Variants in HIKESHI observed in about 807,000 individuals in gnomAD.
HIKESHI encodes protein Hikeshi.
A neutral mutation model predicts 25.7 loss-of-function variants in HIKESHI; 13 were observed. The observed-to-expected ratio is 0.51, with a 90% CI of 0.33 to 0.80. The LOEUF is 0.80. Ranked by LOEUF, HIKESHI falls within the 30% of genes least tolerant of loss-of-function variation. The pLI, the probability that HIKESHI is intolerant of heterozygous loss-of-function variation, is 0.02. For missense variants in HIKESHI, 174 were observed against 229.5 expected, an observed-to-expected ratio of 0.76 and a Z score of 1.56; for synonymous variants, 76 against 78.7, an observed-to-expected ratio of 0.97 and a Z score of 0.18.
At chr11:86,308,293 C>T (rs190162354) in intron 2 of HIKESHI, among the ~76,000 whole-genome samples, 1 of 87,228 alleles carries the variant, frequency 1.1e-5, no homozygotes, top group Non-Finnish European at 2.0e-5. Context: ...ATATATATTA[C>T]ATATAATATA....
intron 2 of HIKESHI, among the ~76,000 whole-genome samples, chr11:86,315,683 A>AAGAGTTTACCTCTCAT (rs58040097): frequency 6.6e-6 from 1 of 151,884 alleles, no homozygotes; most frequent in African/African-American, 2.4e-5. Context: ...GATGAAGATG[A>AAGAGTTTACCTCTCAT]AGACCATTAG....
At chr11:86,309,282 C>T (rs1946770360) in intron 2 of HIKESHI, among the ~76,000 whole-genome samples, 1 of 152,138 alleles carries the variant, frequency 6.6e-6, no homozygotes, top group African/African-American at 2.4e-5. Flanking sequence ...GAGATGGTAT[C>T]TCATTGTGGT....
intron 2 of HIKESHI, among the ~76,000 whole-genome samples, chr11:86,310,150 C>T (rs1044458516): frequency 1.4e-5 from 2 of 147,264 alleles, no homozygotes; most frequent in Admixed American, 6.9e-5. Context: ...TATAAATTAC[C>T]TTGGGCAGTA....
At chr11:86,319,858 T>C (rs1947105623) in intron 2 of HIKESHI, among the ~76,000 whole-genome samples, 1 of 152,194 alleles carries the variant, frequency 6.6e-6, no homozygotes, top group Non-Finnish European at 1.5e-5. Flanking sequence ...CATATATGGA[T>C]ATGTTTTTGT....
intron 2 of HIKESHI, among the ~76,000 whole-genome samples, chr11:86,322,815 A>G (rs1438918808): frequency 6.6e-6 from 1 of 152,196 alleles, no homozygotes; most frequent in Non-Finnish European, 1.5e-5. Flanking sequence ...TTTTTGGCAA[A>G]TGGATATTTA....
chr11:86,311,417 C>T lies in HIKESHI; in HGVS notation c.268+4935C>T, dbSNP rs150772926. 5.9e-3 allele frequency among the ~76,000 whole-genome samples: 898 copies of T among 152,184 alleles called. 11 individuals carry two copies. Among genetic ancestry groups the T allele is most frequent in the African/African-American group, 0.021 (866 of 41,516 alleles). The stretch of plus-strand genomic sequence containing the variant: ...GGATCGGTGGTGATATCCCCTTTAT[C>T]ATTTTTTATTGAGTCTATTTGATTC... On this transcript the variant is annotated intron_variant, in intron 2 of 4. Transcript: ENST00000278483.
chr11:86,345,351 T>A (rs577032059), intron 4 of HIKESHI: 12 of 381,630 alleles, frequency 3.1e-5, no homozygotes, highest in African/African-American at 2.5e-4. Context: ...TTACTAAAAT[T>A]TCTTATGATT....
intron 2 of HIKESHI, among the ~76,000 whole-genome samples, chr11:86,308,458 T>G (rs1173007221): frequency 6.8e-6 from 1 of 147,418 alleles, no homozygotes; most frequent in Non-Finnish European, 1.5e-5. Context: ...GCAAATAGAA[T>G]AGAAGTACTT....
At chr11:86,303,606 C>G (rs1321159187) in intron 1 of HIKESHI, 1 of 158,810 alleles carries the variant, frequency 6.3e-6, no homozygotes, top group Admixed American at 6.5e-5. Flanking sequence ...CCATGTATCT[C>G]TCACGTTGTC....
rs142019257 is a variant in HIKESHI at position 86,328,272 on chromosome 11, T to G, written c.269-9107T>G. On this transcript the variant is annotated intron_variant, in intron 2 of 4. Transcript: ENST00000278483. ...AACATTTACATTTCTTTTCTTTTTT[T>G]TTTTGAGATGGAGTCTCACTTTGTC... is the stretch of plus-strand genomic sequence containing the variant. 3.1e-3 allele frequency among the ~76,000 whole-genome samples: 468 copies of G among 152,174 alleles called. 2 individuals carry two copies. The highest frequency in any genetic ancestry group is 0.01 in the African/African-American group (425 of 41,530).
intron 2 of HIKESHI, among the ~76,000 whole-genome samples, chr11:86,328,351 C>A (rs527886095): frequency 5.9e-5 from 9 of 151,882 alleles, no homozygotes; most frequent in Non-Finnish European, 1.3e-4. Context: ...TTCCGCCTCC[C>A]GGGTTCAAGT....
At chr11:86,323,632 T>G (rs1947203517) in intron 2 of HIKESHI, among the ~76,000 whole-genome samples, 2 of 152,218 alleles carry the variant, frequency 1.3e-5, no homozygotes, top group African/African-American at 4.8e-5. Flanking sequence ...TTTTGGTTAT[T>G]CCCTACAGGA....
intron 2 of HIKESHI, among the ~76,000 whole-genome samples, chr11:86,334,022 A>T (rs1262961186): frequency 6.6e-6 from 1 of 152,220 alleles, no homozygotes; most frequent in African/African-American, 2.4e-5. Flanking sequence ...AATTTATAAA[A>T]TGGATGTGTT....
chr11:86,331,163 A>C (rs142467634), intron 2 of HIKESHI, among the ~76,000 whole-genome samples: 1 of 152,304 alleles, frequency 6.6e-6, no homozygotes, highest in Non-Finnish European at 1.5e-5. Context: ...TCGTAAAATC[A>C]TAGAATGTCA....
At chr11:86,315,363 C>G (rs1433828166) in intron 2 of HIKESHI, among the ~76,000 whole-genome samples, 2 of 151,958 alleles carry the variant, frequency 1.3e-5, no homozygotes, top group Non-Finnish European at 2.9e-5. Context: ...TCTTACTGCC[C>G]AGGCTGGAGT....
At chr11:86,320,701 A>T (rs1482278838) in intron 2 of HIKESHI, among the ~76,000 whole-genome samples, 1 of 152,248 alleles carries the variant, frequency 6.6e-6, no homozygotes, top group Non-Finnish European at 1.5e-5. Flanking sequence ...TGATATAGCT[A>T]CACTTGAGAA....
At chr11:86,319,238 ATATATT>A (rs1947083140) in intron 2 of HIKESHI, among the ~76,000 whole-genome samples, 1 of 83,008 alleles carries the variant, frequency 1.2e-5, no homozygotes, top group African/African-American at 5.2e-5. Flanking sequence ...ATATATATAT[ATATATT>A]TTTTTTTTTT....
chr11:86,345,584 G>A lies in HIKESHI; in HGVS notation c.540G>A (p.Trp180Ter). 5.2e-6 allele frequency: 8 copies of A among 1,526,742 alleles called. No individual in the cohort carries two copies. Among genetic ancestry groups the A allele is most frequent in the Non-Finnish European group, 4.5e-6 (5 of 1,116,342 alleles). 94.6% of individuals were successfully genotyped at this position (1,526,742 alleles called of 1,614,324 possible). A position where few individuals can be genotyped will look rare whatever the true frequency, so the allele number is the denominator to read the frequency against. ...MFIPANVVLK[W>*]YENFQRRLAQ... is the part of the protein sequence containing the mutation. ...TAAATATATGTGTTTTCTTTTCTAGGTATGAAAACTTTCAAAGACGACTAG... is the reference window on the plus strand; with the variant it reads ...TAAATATATGTGTTTTCTTTTCTAGATATGAAAACTTTCAAAGACGACTAG... The change falls in exon 5 of 5, where the codon TGG (tryptophan) becomes TGA (stop). Residue 180 changes from tryptophan to a stop codon, truncating the protein, a stop_gained and splice_region_variant. Coordinates refer to ENST00000278483, the MANE Select transcript of HIKESHI (RefSeq NM_016401.4). LOFTEE classifies it high-confidence loss of function.
At chr11:86,344,890 A>T in intron 4 of HIKESHI, 169 bp downstream of exon 4, 1 of 514,738 alleles carries the variant, frequency 1.9e-6, no homozygotes. Flanking sequence ...AACAGTTCTT[A>T]CCCTAAATAT....
Sources: gnomAD v4.1 joint callset for allele counts (sites outside exome capture counted in the v4.1 genomes callset) on GRCh38, gnomAD v4.1.1 for gene constraint, MANE v1.5 for transcripts, NCBI Gene and HGNC (gene_info 2026-07-23, HGNC 2026-07-21) for gene names.